KCTD16: variants seen among roughly 807,000 people sequenced by gnomAD.
KCTD16 encodes potassium channel tetramerization domain containing 16, also known as BTB/POZ domain-containing protein KCTD16.
A neutral mutation model predicts 33.2 loss-of-function variants in KCTD16; 13 were observed. That is an observed-to-expected ratio of 0.39 (90% CI 0.25 to 0.62). The LOEUF (loss-of-function observed/expected upper bound fraction) is 0.62, where lower values mean the gene tolerates loss of function less well. Ranked by LOEUF, KCTD16 falls within the 20% of genes least tolerant of loss-of-function variation. The probability of loss-of-function intolerance (pLI) is 0.50; values close to 1 mark genes in which losing one functional copy is unlikely to be tolerated. For missense variants in KCTD16, 441 were observed against 525.1 expected (o/e 0.84, Z 1.57); for synonymous variants, 197 against 195.3 (o/e 1.01, Z -0.07).
intron 3 of KCTD16, among the ~76,000 whole-genome samples, chr5:144,421,221 G>GACAAA (rs553227441): frequency 1.0e-3 from 154 of 152,140 alleles, no homozygotes; most frequent in Admixed American, 3.0e-3. Flanking sequence ...AATCATACCA[G>GACAAA]ACAAAACAAA....
chr5:144,303,984 C>G (rs1380710570), intron 3 of KCTD16, among the ~76,000 whole-genome samples: 1 of 152,166 alleles, frequency 6.6e-6, no homozygotes, highest in Non-Finnish European at 1.5e-5. Flanking sequence ...ACATCTATGA[C>G]ACTTTTTGGC....
intron 3 of KCTD16, among the ~76,000 whole-genome samples, chr5:144,244,989 T>C (rs537353256): frequency 3.3e-5 from 5 of 152,298 alleles, no homozygotes; most frequent in Admixed American, 3.3e-4. Context: ...TATTATAAGA[T>C]TAGAAAGCTC....
intron 3 of KCTD16, among the ~76,000 whole-genome samples, chr5:144,340,444 G>A (rs1028658483): frequency 6.6e-6 from 1 of 151,016 alleles, no homozygotes; most frequent in Non-Finnish European, 1.5e-5. Flanking sequence ...GAGAGGCAGA[G>A]TTGGAGAGGG....
intron 3 of KCTD16, among the ~76,000 whole-genome samples, chr5:144,352,571 A>G (rs1751471496): frequency 6.6e-6 from 1 of 152,164 alleles, no homozygotes; most frequent in African/African-American, 2.4e-5. Context: ...GTGGTTGCAG[A>G]ATCTAGCAAA....
At chr5:144,383,989 T>C (rs1340947566) in intron 3 of KCTD16, among the ~76,000 whole-genome samples, 1 of 152,188 alleles carries the variant, frequency 6.6e-6, no homozygotes, top group Non-Finnish European at 1.5e-5. Context: ...ATGTGGCAGC[T>C]ATGAATTAAC....
At chr5:144,282,725 CT>C (rs967575320) in intron 3 of KCTD16, among the ~76,000 whole-genome samples, 2 of 152,154 alleles carry the variant, frequency 1.3e-5, no homozygotes, top group Admixed American at 1.3e-4. Flanking sequence ...CATCCTGAGT[CT>C]ACTATGTCTA....
chr5:144,311,780 A>G (rs556062529), intron 3 of KCTD16, among the ~76,000 whole-genome samples: 21 of 152,342 alleles, frequency 1.4e-4, no homozygotes, highest in African/African-American at 5.0e-4. Flanking sequence ...ACGATACTTT[A>G]TAATATTACA....
intron 3 of KCTD16, among the ~76,000 whole-genome samples, chr5:144,333,639 G>A (rs1180962649): frequency 1.3e-5 from 2 of 152,080 alleles, no homozygotes; most frequent in Non-Finnish European, 2.9e-5. Flanking sequence ...GTTCAGGCTG[G>A]GATAATGAGG....
At chr5:144,194,321 C>A (rs996297598) in intron 2 of KCTD16, among the ~76,000 whole-genome samples, 2 of 152,160 alleles carry the variant, frequency 1.3e-5, no homozygotes, top group Non-Finnish European at 2.9e-5. Context: ...GTTATCCATG[C>A]GGGAAACATT....
intron 1 of KCTD16, among the ~76,000 whole-genome samples, chr5:144,173,848 T>C (rs1752443982): frequency 6.6e-6 from 1 of 152,110 alleles, no homozygotes; most frequent in African/African-American, 2.4e-5. Context: ...CCCTTAGAAA[T>C]TTTGAGAACA....
intron 3 of KCTD16, among the ~76,000 whole-genome samples, chr5:144,223,454 C>A (rs916397223): frequency 6.6e-6 from 1 of 151,990 alleles, no homozygotes; most frequent in African/African-American, 2.4e-5. Context: ...AGAATGGTAG[C>A]ATCAGCCCTA....
At chr5:144,433,828 GC>G (rs1377955130) in intron 3 of KCTD16, among the ~76,000 whole-genome samples, 1 of 152,074 alleles carries the variant, frequency 6.6e-6, no homozygotes, top group African/African-American at 2.4e-5. Context: ...ATACTCTTTT[GC>G]TTGTGAAAAA....
intron 3 of KCTD16, among the ~76,000 whole-genome samples, chr5:144,372,168 A>C (rs892798487): frequency 6.6e-6 from 1 of 151,476 alleles, no homozygotes; most frequent in Non-Finnish European, 1.5e-5. Context: ...TTTCTAAATA[A>C]GTGAATTTGG....
intron 3 of KCTD16, among the ~76,000 whole-genome samples, chr5:144,248,291 A>G (rs1047097253): frequency 6.6e-6 from 1 of 152,196 alleles, no homozygotes; most frequent in Non-Finnish European, 1.5e-5. Context: ...AGAAAGCTTT[A>G]TGGATATCTG....
intron 3 of KCTD16, among the ~76,000 whole-genome samples, chr5:144,439,044 C>A (rs1313552792): frequency 6.8e-6 from 1 of 147,342 alleles, no homozygotes; most frequent in African/African-American, 2.5e-5. Flanking sequence ...TTTTTTTTTT[C>A]TTTTTTTCTG....
Position 144,206,898 on chromosome 5 carries a change from G to A in KCTD16, c.184G>A (p.Ala62Thr). ...AATGTTTTCCCCAAAGAGAGACACG[G>A]CTAATGATCTAGCCAAGGACTCCAA... ...WKMFSPKRDTANDLAKDSKGR... is the reference protein window; with the variant it reads ...WKMFSPKRDTTNDLAKDSKGR... The change falls in exon 3 of 4, where the codon GCT becomes ACT. Residue 62 changes from alanine to threonine, a missense_variant. Transcript: ENST00000512467. 6.2e-7 allele frequency: 1 copy of A among 1,614,106 alleles called. No individual in the cohort carries two copies. The highest frequency in any genetic ancestry group is 8.5e-7 in the Non-Finnish European group (1 of 1,180,028).
At chr5:144,441,541 G>A (rs79583327) in intron 3 of KCTD16, among the ~76,000 whole-genome samples, 2 of 152,036 alleles carry the variant, frequency 1.3e-5, no homozygotes, top group East Asian at 3.9e-4. Flanking sequence ...TATGCATGTG[G>A]ATATCCAGTT....
At chr5:144,437,157 G>A (rs1185827659) in intron 3 of KCTD16, among the ~76,000 whole-genome samples, 5 of 152,108 alleles carry the variant, frequency 3.3e-5, no homozygotes. Flanking sequence ...CCCGGCTGCT[G>A]TCCTCCATGA....
At chr5:144,467,095 T>A (rs1442157551) in intron 3 of KCTD16, among the ~76,000 whole-genome samples, 3 of 140,558 alleles carry the variant, frequency 2.1e-5, no homozygotes, top group South Asian at 2.2e-4. Context: ...TTATATATAT[T>A]ATATATAATA....
Sources: gnomAD v4.1 joint callset for allele counts (sites outside exome capture counted in the v4.1 genomes callset) on GRCh38, gnomAD v4.1.1 for gene constraint, MANE v1.5 for transcripts, NCBI Gene and HGNC (gene_info 2026-07-23, HGNC 2026-07-21) for gene names.